Variants in PCDHGA1 observed in about 807,000 individuals in gnomAD.
The protein encoded by PCDHGA1 is protocadherin gamma-A1.
PCDHGA1 carries 32 observed loss-of-function variants against 58.0 expected under a neutral mutation model. That is an observed-to-expected ratio of 0.55 (90% CI 0.42 to 0.74). The LOEUF is 0.74. Ranked by LOEUF, PCDHGA1 falls within the 30% of genes least tolerant of loss-of-function variation. The probability of loss-of-function intolerance (pLI) is 0.00; values close to 1 mark genes in which losing one functional copy is unlikely to be tolerated. For synonymous variants in PCDHGA1, 498 were observed against 501.1 expected (o/e 0.99, Z 0.08); for missense variants, 1,205 against 1,182.3 (o/e 1.02, Z -0.28).
At chr5:141,417,994 G>T (rs369226139) in intron 1 of PCDHGA1, 231 of 1,613,766 alleles carry the variant, frequency 1.4e-4, no homozygotes, top group Non-Finnish European at 1.8e-4. Flanking sequence ...CCAAGGGCTC[G>T]GTGGTGGGGA....
At chr5:141,443,093 C>T (rs1316602934) in intron 1 of PCDHGA1, among the ~76,000 whole-genome samples, 2 of 151,940 alleles carry the variant, frequency 1.3e-5, no homozygotes, top group African/African-American at 4.8e-5. Flanking sequence ...CAGTCTCCTT[C>T]TCAAGCTGAA....
At chr5:141,444,380 A>G (rs1475986922) in intron 1 of PCDHGA1, among the ~76,000 whole-genome samples, 1 of 151,876 alleles carries the variant, frequency 6.6e-6, no homozygotes, top group Non-Finnish European at 1.5e-5. Context: ...CATGTTGGTC[A>G]GGCTAGTCTT....
intron 2 of PCDHGA1, among the ~76,000 whole-genome samples, chr5:141,495,389 C>T (rs966648925): frequency 2.0e-5 from 3 of 152,204 alleles, no homozygotes; most frequent in African/African-American, 7.2e-5. Context: ...CTGGGCGGGG[C>T]ATGGAGCAGG....
chr5:141,375,843 T>C (rs762152746), intron 1 of PCDHGA1: 1 of 1,614,046 alleles, frequency 6.2e-7, no homozygotes, highest in Admixed American at 1.7e-5. Context: ...CCCGGCTACC[T>C]GGTGACCAAG....
At chr5:141,389,564 G>A in intron 1 of PCDHGA1, 1 of 1,613,244 alleles carries the variant, frequency 6.2e-7, no homozygotes, top group East Asian at 2.2e-5. Context: ...CGCCACGGGT[G>A]CTGTACCCCG....
At chr5:141,495,910 A>C (rs2154591812) in intron 2 of PCDHGA1, among the ~76,000 whole-genome samples, 1 of 151,278 alleles carries the variant, frequency 6.6e-6, no homozygotes, top group East Asian at 1.9e-4. Flanking sequence ...GTCTCTGTAT[A>C]TCTTTCTTTG....
intron 1 of PCDHGA1, chr5:141,410,263 A>G (rs532833925): frequency 1.4e-5 from 22 of 1,613,876 alleles, no homozygotes; most frequent in African/African-American, 2.7e-5. Flanking sequence ...CCCAGGCTGA[A>G]CTGCAGTTTT....
Position 141,345,336 on chromosome 5 carries a change from G to A in PCDHGA1, c.2421+12231G>A, listed in dbSNP as rs1206645862. Reference sequence around the variant, plus strand: ...TGGGGGAAGCCCGCCACTGTCCACAGAAACTCACATCACCCTGCATGTGAT... The same window carrying A: ...TGGGGGAAGCCCGCCACTGTCCACAAAAACTCACATCACCCTGCATGTGAT... On this transcript the variant is annotated intron_variant, in intron 1 of 3. Transcript: ENST00000517417. The A allele has an allele frequency of 3.1e-6, 5 of 1,613,916 alleles. No homozygotes were observed. Among genetic ancestry groups the A allele is most frequent in the Non-Finnish European group, 2.5e-6 (3 of 1,179,940 alleles).
intron 1 of PCDHGA1, chr5:141,411,352 C>T (rs1002274073): frequency 2.6e-5 from 4 of 152,176 alleles, no homozygotes; most frequent in African/African-American, 9.7e-5. Flanking sequence ...GAAAGTATCA[C>T]TTGAGCCCAA....
At position 141,364,381 on chromosome 5, in the gene PCDHGA1, C is replaced by A. The variant is rs1763293238; in HGVS notation, c.2421+31276C>A. On this transcript the variant is annotated intron_variant, in intron 1 of 3. Coordinates refer to ENST00000517417, the MANE Select transcript of PCDHGA1 (RefSeq NM_018912.3). ...GCTGCGGAGAGCTGCTGCTGCCCTTCATGCTCCTGGGGACGCTGTGCGAGC... is the reference window on the plus strand; with the variant it reads ...GCTGCGGAGAGCTGCTGCTGCCCTTAATGCTCCTGGGGACGCTGTGCGAGC... The A allele has an allele frequency of 1.9e-6, 3 of 1,581,268 alleles. No homozygotes were observed. In the South Asian group the frequency reaches 3.5e-5, roughly 18 times the overall value.
chr5:141,489,246 G>A lies in PCDHGA1; in HGVS notation c.2422-5561G>A, dbSNP rs141115698. On this transcript the variant is annotated intron_variant, in intron 1 of 3. Coordinates refer to ENST00000517417, the MANE Select transcript of PCDHGA1 (RefSeq NM_018912.3). The surrounding 1 kb of genome is among the most constrained non-coding windows in gnomAD (Gnocchi z 4.5). Reference sequence around the variant, plus strand: ...CACAAAGGGACTTCTGGGTCATGGGGCCCAAGACACTCCCACAGCTCGCTG... The same window carrying A: ...CACAAAGGGACTTCTGGGTCATGGGACCCAAGACACTCCCACAGCTCGCTG... 750 of 1,544,746 alleles carry A rather than the reference G, an allele frequency of 4.9e-4. No homozygotes were observed. The highest frequency in any genetic ancestry group is 6.3e-4 in the Non-Finnish European group (726 of 1,145,538).
rs1280566786 is a variant in PCDHGA1 at position 141,334,318 on chromosome 5, A to C, written c.2421+1213A>C. On this transcript the variant is annotated intron_variant, in intron 1 of 3. Transcript: ENST00000517417. The surrounding 1 kb of genome is among the most constrained non-coding windows in gnomAD (Gnocchi z 4.6). ...GGCCCTTCAGCTGGTTAAAAAGGAA[A>C]AGAAAGATGCATTAACATGCTGCCT... 3 of 152,270 alleles carry C rather than the reference A, an allele frequency of 2.0e-5. No individual in the cohort carries two copies. The highest frequency in any genetic ancestry group is 7.2e-5 in the African/African-American group (3 of 41,450). 9.4% of individuals were successfully genotyped at this position (152,270 alleles called of 1,614,324 possible). A position where few individuals can be genotyped will look rare whatever the true frequency, so the allele number is the denominator to read the frequency against.
rs1292277026 is a variant in PCDHGA1 at position 141,489,814 on chromosome 5, CCA to C, written c.2422-4992_2422-4991del. 6 of 1,614,024 alleles carry C rather than the reference CCA, an allele frequency of 3.7e-6. No homozygotes were observed. Among genetic ancestry groups the C allele is most frequent in the Non-Finnish European group, 8.5e-7 (1 of 1,180,004 alleles). ...GACCCTAAAAGATGGGAAGCCATTC[CCA>C]GAGCTGGTGCTAGAGCAGCAGCTGG... On this transcript the variant is annotated intron_variant, in intron 1 of 3. Transcript: ENST00000517417. This position sits in a 1 kb window ranked among gnomAD's most constrained non-coding sequence, Gnocchi z 4.5.
At chr5:141,337,304 A>T (rs1756671836) in intron 1 of PCDHGA1, among the ~76,000 whole-genome samples, 1 of 152,236 alleles carries the variant, frequency 6.6e-6, no homozygotes, top group Non-Finnish European at 1.5e-5. Context: ...TAGGGACTTC[A>T]ACAGATATTT....
intron 1 of PCDHGA1, chr5:141,409,339 T>G: frequency 6.2e-7 from 1 of 1,613,954 alleles, no homozygotes; most frequent in South Asian, 1.1e-5. Context: ...TCGGAGGAAA[T>G]GGAGAAGTCA....
rs2099410057 is a variant in PCDHGA1, at chr5:141,477,370, G to C, written c.2422-17437G>C. The C allele has an allele frequency of 6.2e-7, 1 of 1,614,054 alleles. No homozygotes were observed. On this transcript the variant is annotated intron_variant, in intron 1 of 3. Coordinates refer to ENST00000517417, the MANE Select transcript of PCDHGA1 (RefSeq NM_018912.3). This position sits in a 1 kb window ranked among gnomAD's most constrained non-coding sequence, Gnocchi z 4.9. The stretch of plus-strand genomic sequence containing the variant: ...AAACCAGTGCAGACCTGGATCGGGA[G>C]ACTGTGCCAGAATACAACCTCAGCA...
At position 141,352,311 on chromosome 5, in the gene PCDHGA1, T is replaced by G. The variant is rs1401327005; in HGVS notation, c.2421+19206T>G. The G allele has an allele frequency of 8.1e-6, 13 of 1,613,938 alleles. No homozygotes were observed. Among genetic ancestry groups the G allele is most frequent in the Non-Finnish European group, 1.1e-5 (13 of 1,179,916 alleles). On this transcript the variant is annotated intron_variant, in intron 1 of 3. Transcript: ENST00000517417. ...GAGCCCTCTGACCCCCAGACGGAAC[T>G]GCAGTTTTACCTGGTTGTGGCCTTG...
At chr5:141,414,161 GA>G (rs1351073953) in intron 1 of PCDHGA1, 1 of 1,603,276 alleles carries the variant, frequency 6.2e-7, no homozygotes, top group Admixed American at 1.7e-5. Context: ...GAAGATGGAG[GA>G]GCATATCTTG....
At chr5:141,383,566 T>C (rs1357683326) in intron 1 of PCDHGA1, 2 of 1,613,308 alleles carry the variant, frequency 1.2e-6, no homozygotes, top group Non-Finnish European at 1.7e-6. Context: ...CCCGCCCCGA[T>C]CCAGCACCGC....
Sources: gnomAD v4.1 joint callset for allele counts (sites outside exome capture counted in the v4.1 genomes callset) on GRCh38, gnomAD v4.1.1 for gene constraint, Gnocchi (gnomAD v3.1) non-coding constraint, MANE v1.5 for transcripts, NCBI Gene and HGNC (gene_info 2026-07-23, HGNC 2026-07-21) for gene names.